Variants in NDRG3 observed in about 807,000 individuals in gnomAD.
NDRG3 encodes protein NDRG3.
In NDRG3, 23 loss-of-function variants were observed where a neutral mutation model predicts 57.2. The observed-to-expected ratio is 0.40, with a 90% CI of 0.29 to 0.57. The LOEUF (loss-of-function observed/expected upper bound fraction) is 0.57. Ranked by LOEUF, NDRG3 falls within the 20% of genes least tolerant of loss-of-function variation. NDRG3 has a pLI of 0.42. For missense variants in NDRG3, 384 were observed against 457.3 expected (o/e 0.84, Z 1.46); for synonymous variants, 132 against 162.6 (o/e 0.81, Z 1.43).
intron 2 of NDRG3, among the ~76,000 whole-genome samples, chr20:36,717,563 C>T (rs1984346901): frequency 6.6e-6 from 1 of 152,194 alleles, no homozygotes; most frequent in Non-Finnish European, 1.5e-5. Flanking sequence ...TCTGGCTTTG[C>T]CACTTCTTTA....
chr20:36,678,651 G>C (rs1407072684), intron 8 of NDRG3, among the ~76,000 whole-genome samples: 1 of 152,202 alleles, frequency 6.6e-6, no homozygotes, highest in Non-Finnish European at 1.5e-5. Context: ...CTGCACTCCA[G>C]CCTGGGCGAC....
intron 8 of NDRG3, among the ~76,000 whole-genome samples, chr20:36,678,853 T>C (rs903524065): frequency 2.0e-5 from 3 of 152,252 alleles, no homozygotes; most frequent in African/African-American, 4.8e-5. Flanking sequence ...AAAGTACTTA[T>C]AATATCAAAT....
chr20:36,661,137 C>T (rs966719187), intron 12 of NDRG3, among the ~76,000 whole-genome samples: 110 of 152,298 alleles, frequency 7.2e-4, no homozygotes, highest in African/African-American at 2.6e-3. Context: ...CACTTTTCAC[C>T]TCTTTCCTTA....
chr20:36,733,166 AAAAAAAT>A (rs1316652871), intron 1 of NDRG3, among the ~76,000 whole-genome samples: 3 of 77,662 alleles, frequency 3.9e-5, no homozygotes, highest in African/African-American at 1.1e-4. Flanking sequence ...AAAAAAAAAA[AAAAAAAT>A]ATATATATAT....
intron 3 of NDRG3, among the ~76,000 whole-genome samples, chr20:36,698,281 A>G (rs535418776): frequency 1.3e-5 from 2 of 150,612 alleles, no homozygotes; most frequent in East Asian, 4.0e-4. Context: ...GTTTTTTCAT[A>G]TTGCTACAAA....
chr20:36,673,828 G>T (rs114863709), intron 8 of NDRG3, among the ~76,000 whole-genome samples: 6,199 of 152,190 alleles, frequency 0.041, 240 homozygotes, highest in African/African-American at 0.1. Context: ...CATTTGGCCG[G>T]GCGCAGTAGC....
chr20:36,718,992 A>G (rs1277706198), intron 2 of NDRG3, among the ~76,000 whole-genome samples: 2 of 152,122 alleles, frequency 1.3e-5, no homozygotes, highest in African/African-American at 2.4e-5. Flanking sequence ...TGCCTGGCTC[A>G]GATTTTATTT....
At chr20:36,708,624 G>C (rs1333849035) in intron 2 of NDRG3, among the ~76,000 whole-genome samples, 2 of 149,084 alleles carry the variant, frequency 1.3e-5, no homozygotes, top group Non-Finnish European at 3.0e-5. Context: ...TGTCAGCCTG[G>C]GTGTCAGAGC....
At position 36,666,273 on chromosome 20, in the gene NDRG3, C is replaced by T; in HGVS notation, c.692+16G>A. On this transcript the variant is annotated intron_variant, in intron 10 of 15. Coordinates refer to ENST00000349004, the MANE Select transcript of NDRG3 (RefSeq NM_032013.4). ...ACCTGTTTACATTTAAGTGAAGAAA[C>T]AGGAAAAAACTATACCCATTGTAGG... 1 of 1,588,820 alleles carries T rather than the reference C, an allele frequency of 6.3e-7. No homozygotes were observed. The highest frequency in any genetic ancestry group is 8.6e-7 in the Non-Finnish European group (1 of 1,157,194).
rs574912556 is a variant in NDRG3, at chr20:36,711,443, G to GA, written c.58-4437dup. Among the ~76,000 whole-genome samples, 657 of 152,096 alleles carry GA rather than the reference G, an allele frequency of 4.3e-3. 5 individuals carry two copies. The highest frequency in any genetic ancestry group is 0.014 in the African/African-American group (565 of 41,516). ...TCCTTTAGGGATTATTTTAAGATTA[G>GA]AAAAAATCACTCTAGATTGAATTAA... On this transcript the variant is annotated intron_variant, in intron 2 of 15. Transcript: ENST00000349004.
intron 9 of NDRG3, among the ~76,000 whole-genome samples, chr20:36,667,994 C>A (rs1161171773): frequency 6.6e-6 from 1 of 152,068 alleles, no homozygotes; most frequent in East Asian, 1.9e-4. Flanking sequence ...AATCCCAGCA[C>A]TTTAGGAGGC....
chr20:36,698,115 G>A (rs560275841), intron 3 of NDRG3, among the ~76,000 whole-genome samples: 1 of 151,672 alleles, frequency 6.6e-6, no homozygotes, highest in South Asian at 2.1e-4. Context: ...ACAGGCACAC[G>A]CCACCACACC....
At position 36,684,411 on chromosome 20, in the gene NDRG3, A is replaced by G; in HGVS notation, c.383+2T>C. 6.2e-7 allele frequency: 1 copy of G among 1,613,180 alleles called. No homozygotes were observed. Among genetic ancestry groups the G allele is most frequent in the Non-Finnish European group, 8.5e-7 (1 of 1,179,164 alleles). On this transcript the variant is annotated splice_donor_variant, in intron 6 of 15. Coordinates refer to ENST00000349004, the MANE Select transcript of NDRG3 (RefSeq NM_032013.4). LOFTEE classifies it high-confidence loss of function. The stretch of plus-strand genomic sequence containing the variant: ...GCATGAAAGACTGCAGAATGAACCT[A>G]CCTTAGGTGGGTAAGAACAGGAGGC...
At chr20:36,742,358 A>C (rs1439308044) in intron 1 of NDRG3, among the ~76,000 whole-genome samples, 1 of 152,186 alleles carries the variant, frequency 6.6e-6, no homozygotes, top group East Asian at 1.9e-4. Context: ...AATACTGATA[A>C]ACCTTTAGTG....
In NDRG3 at chr20:36,656,479, A is replaced by T. The variant is rs774606818; in HGVS notation, c.894+18T>A. 5.0e-6 allele frequency: 8 copies of T among 1,612,968 alleles called. No homozygotes were observed. Among genetic ancestry groups the T allele is most frequent in the African/African-American group, 1.3e-5 (1 of 74,764 alleles). On this transcript the variant is annotated intron_variant, in intron 14 of 15. Coordinates refer to ENST00000349004, the MANE Select transcript of NDRG3 (RefSeq NM_032013.4). The stretch of plus-strand genomic sequence containing the variant: ...GAGAAGCAGAATTAAATGGGTGTTT[A>T]AAAAAAATTCTCCTTACCTGAACTA...
At chr20:36,735,800 C>T (rs962560477) in intron 1 of NDRG3, among the ~76,000 whole-genome samples, 3 of 151,976 alleles carry the variant, frequency 2.0e-5, no homozygotes, top group Non-Finnish European at 2.9e-5. Flanking sequence ...ATCAGCCTGG[C>T]CAACAAAGTG....
chr20:36,684,401 G>T lies in NDRG3; in HGVS notation c.383+12C>A. 1 of 1,611,442 alleles carries T rather than the reference G, an allele frequency of 6.2e-7. No homozygotes were observed. Among genetic ancestry groups the T allele is most frequent in the Non-Finnish European group, 8.5e-7 (1 of 1,177,568 alleles). On this transcript the variant is annotated intron_variant, in intron 6 of 15. Transcript: ENST00000349004. Reference sequence around the variant, plus strand: ...AATAAAAACTGCATGAAAGACTGCAGAATGAACCTACCTTAGGTGGGTAAG... The same window carrying T: ...AATAAAAACTGCATGAAAGACTGCATAATGAACCTACCTTAGGTGGGTAAG...
intron 1 of NDRG3, among the ~76,000 whole-genome samples, chr20:36,732,939 G>C (rs1333734193): frequency 6.6e-6 from 1 of 151,362 alleles, no homozygotes; most frequent in Non-Finnish European, 1.5e-5. Flanking sequence ...TTGAGCCCAG[G>C]AGTTTGAGAC....
At chr20:36,688,652 A>C in intron 4 of NDRG3, 27 bp downstream of exon 4, 1 of 1,461,168 alleles carries the variant, frequency 6.8e-7, no homozygotes, top group South Asian at 1.1e-5. Context: ...TATGATAAGA[A>C]GGGAAGGTGT....
Sources: allele counts gnomAD v4.1 joint callset (sites outside exome capture counted in the v4.1 genomes callset), GRCh38; gene constraint gnomAD v4.1.1; transcripts MANE v1.5; gene names NCBI Gene and HGNC (gene_info 2026-07-23, HGNC 2026-07-21).